The following FGF1 variants were observed in gnomAD, a reference collection of about 807,000 sequenced individuals.
The protein encoded by FGF1 is fibroblast growth factor 1.
In FGF1, 9 loss-of-function variants were observed where a neutral mutation model predicts 13.4. The ratio of observed to expected loss-of-function variants is 0.67; its 90% CI spans 0.40 to 1.17. FGF1 has a LOEUF of 1.17. FGF1 is among the 50% of genes most tolerant of loss of function. The pLI is 0.01. For synonymous variants in FGF1, 93 were observed against 79.0 expected (o/e 1.18, Z -0.94); for missense variants, 156 against 192.7 (o/e 0.81, Z 1.13).
chr5:142,608,781 G>A, intron 2 of FGF1, among the ~76,000 whole-genome samples: 1 of 103,150 alleles, frequency 9.7e-6, no homozygotes, highest in East Asian at 3.0e-4. Flanking sequence ...TATATATATA[G>A]TATATGTGAT....
chr5:142,592,876 G>A lies in FGF1; in HGVS notation c.*2414C>T, dbSNP rs1754539830. On this transcript the variant is annotated 3_prime_UTR_variant, in exon 4 of 4. Transcript: ENST00000337706. ...TTCAGCAGGAACCTACAAAGTCTGT[G>A]TTTATTCTTGACTGAAAGAATTGAA... 6.4e-6 allele frequency: 1 copy of A among 155,460 alleles called. No individual in the cohort carries two copies. The highest frequency in any genetic ancestry group is 2.1e-4 in the South Asian group (1 of 4,874). The allele number at this position is 155,460 out of a possible 1,614,324, so 9.6% of individuals were successfully genotyped here.
chr5:142,623,168 C>G (rs1411554830), intron 1 of FGF1, among the ~76,000 whole-genome samples: 1 of 152,110 alleles, frequency 6.6e-6, no homozygotes, highest in Non-Finnish European at 1.5e-5. Context: ...GGTTTGAATC[C>G]TGGTTGGACA....
intron 2 of FGF1, among the ~76,000 whole-genome samples, chr5:142,692,639 A>G (rs1752398775): frequency 6.6e-6 from 1 of 151,826 alleles, no homozygotes; most frequent in African/African-American, 2.4e-5. Context: ...TCTTGACAAG[A>G]TCTATAGCTC....
chr5:142,601,093 C>T (rs180794123), intron 2 of FGF1: 182 of 566,698 alleles, frequency 3.2e-4, no homozygotes, highest in African/African-American at 2.8e-3. Context: ...TGCACCTTCA[C>T]GGTGCCTCGC....
chr5:142,686,058 C>G lies in FGF1; in HGVS notation c.-136G>C. ...TTGGTGTCTTCTTCTCAGAGTAGCCCGGCTCTCTGAACCTCCAGGCTACTG... is the reference window on the plus strand; with the variant it reads ...TTGGTGTCTTCTTCTCAGAGTAGCCGGGCTCTCTGAACCTCCAGGCTACTG... On this transcript the variant is annotated 5_prime_UTR_variant, in exon 1 of 4. Transcript: ENST00000337706. The G allele has an allele frequency of 6.6e-6, 1 of 152,114 alleles. No homozygotes were observed. The highest frequency in any genetic ancestry group is 1.9e-4 in the East Asian group (1 of 5,178). 9.4% of individuals were successfully genotyped at this position (152,114 alleles called of 1,614,324 possible). A position where few individuals can be genotyped will look rare whatever the true frequency, so the allele number is the denominator to read the frequency against.
intron 2 of FGF1, among the ~76,000 whole-genome samples, chr5:142,694,757 C>T (rs1242875905): frequency 6.6e-6 from 1 of 152,142 alleles, no homozygotes; most frequent in African/African-American, 2.4e-5. Context: ...GACCACCCTA[C>T]CCCCGTTTAA....
At chr5:142,667,812 A>T (rs538166878) in intron 1 of FGF1, among the ~76,000 whole-genome samples, 4 of 152,042 alleles carry the variant, frequency 2.6e-5, no homozygotes, top group African/African-American at 9.7e-5. Flanking sequence ...CCTCATCCAC[A>T]TGCTGTCTTG....
chr5:142,617,874 T>C (rs374175952), intron 1 of FGF1, among the ~76,000 whole-genome samples: 72 of 152,314 alleles, frequency 4.7e-4, no homozygotes, highest in African/African-American at 1.4e-3. Flanking sequence ...CCACTATTTG[T>C]TAAAGGGTAG....
chr5:142,656,842 C>T (rs1016974868), intron 1 of FGF1, among the ~76,000 whole-genome samples: 5 of 152,080 alleles, frequency 3.3e-5, no homozygotes, highest in Non-Finnish European at 7.4e-5. Flanking sequence ...AAAATGATTA[C>T]CCCTGGGGAG....
rs1754485346 is a variant in FGF1, at chr5:142,592,644, C to T, written c.*2646G>A. ...TTAATAAACTAGAGCATGTTCAAAA[C>T]AGAGCAGGGAACTACCAACCTCTTC... On this transcript the variant is annotated 3_prime_UTR_variant, in exon 4 of 4. Coordinates refer to ENST00000337706, the MANE Select transcript of FGF1 (RefSeq NM_000800.5). 2.5e-6 allele frequency: 1 copy of T among 392,214 alleles called. No individual in the cohort carries two copies. Among genetic ancestry groups the T allele is most frequent in the African/African-American group, 2.1e-5 (1 of 48,444 alleles). The allele number at this position is 392,214 out of a possible 1,614,324, so 24.3% of individuals were successfully genotyped here.
At chr5:142,666,178 A>G (rs13161648) in intron 1 of FGF1, among the ~76,000 whole-genome samples, 98,016 of 98,022 alleles carry the variant, frequency 1, 49,005 homozygotes, top group Middle Eastern at 1. Context: ...TTGTTATATT[A>G]GGGTGAAATC....
At chr5:142,635,172 T>C (rs1764039784) in intron 1 of FGF1, among the ~76,000 whole-genome samples, 1 of 152,100 alleles carries the variant, frequency 6.6e-6, no homozygotes, top group African/African-American at 2.4e-5. Flanking sequence ...CTGGGTGACT[T>C]TGGGTAAGTC....
intron 3 of FGF1, among the ~76,000 whole-genome samples, chr5:142,596,903 C>T (rs17217513): frequency 3.5e-4 from 53 of 151,972 alleles, no homozygotes; most frequent in Non-Finnish European, 7.2e-4. Flanking sequence ...TATGTACATA[C>T]AGACTAGATA....
At chr5:142,636,731 G>A (rs534121064) in intron 1 of FGF1, among the ~76,000 whole-genome samples, 30 of 150,658 alleles carry the variant, frequency 2.0e-4, no homozygotes, top group Non-Finnish European at 4.0e-4. Context: ...CTAGTGAGTA[G>A]AGAGAGGGAG....
intron 2 of FGF1, among the ~76,000 whole-genome samples, chr5:142,602,573 T>C (rs1756810971): frequency 6.6e-6 from 1 of 152,258 alleles, no homozygotes; most frequent in East Asian, 1.9e-4. Flanking sequence ...GGAGTGCACA[T>C]CTCCTGGGGG....
chr5:142,610,484 T>G (rs1446768505), intron 2 of FGF1, among the ~76,000 whole-genome samples: 1 of 152,198 alleles, frequency 6.6e-6, no homozygotes, highest in African/African-American at 2.4e-5. Context: ...AAAATGGAAC[T>G]GGCCATCTTC....
chr5:142,676,989 C>A (rs17287413), intron 1 of FGF1, among the ~76,000 whole-genome samples: 34,535 of 152,064 alleles, frequency 0.23, 4,168 homozygotes, highest in Non-Finnish European at 0.25. Context: ...TTAAATACCA[C>A]CTTATCACCA....
intron 1 of FGF1, among the ~76,000 whole-genome samples, chr5:142,653,414 G>C (rs1448901225): frequency 6.6e-6 from 1 of 152,134 alleles, no homozygotes; most frequent in East Asian, 1.9e-4. Context: ...TGAAGGCTGT[G>C]GTCCACCAGA....
chr5:142,676,305 C>T (rs545154449), intron 1 of FGF1, among the ~76,000 whole-genome samples: 5 of 152,324 alleles, frequency 3.3e-5, no homozygotes, highest in South Asian at 2.1e-4. Context: ...CTGTGCATTG[C>T]GTGCTAAAAC....
Sources: allele counts gnomAD v4.1 joint callset (sites outside exome capture counted in the v4.1 genomes callset), GRCh38; gene constraint gnomAD v4.1.1; transcripts MANE v1.5; gene names NCBI Gene and HGNC (gene_info 2026-07-23, HGNC 2026-07-21).